ENAH: variants seen among roughly 807,000 people sequenced by gnomAD.
ENAH encodes the protein ENAH actin regulator, also known as protein enabled homolog.
A neutral mutation model predicts 78.7 loss-of-function variants in ENAH; 23 were observed. That is an observed-to-expected ratio of 0.29 (90% CI 0.21 to 0.41). The LOEUF (loss-of-function observed/expected upper bound fraction) is 0.41, where lower values mean the gene tolerates loss of function less well. Among genes scored for constraint, ENAH ranks in the 10% least tolerant of loss-of-function variants. The pLI is 1.00. For missense variants in ENAH, 544 were observed against 691.0 expected (o/e 0.79, Z 2.39); for synonymous variants, 226 against 241.0 (o/e 0.94, Z 0.58).
intron 1 of ENAH, among the ~76,000 whole-genome samples, chr1:225,573,250 A>G (rs944379765): frequency 1.3e-5 from 2 of 152,224 alleles, no homozygotes; most frequent in Non-Finnish European, 2.9e-5. Flanking sequence ...GAATATGACA[A>G]TATGTAGCAC....
At chr1:225,531,773 C>T (rs933353748) in intron 3 of ENAH, among the ~76,000 whole-genome samples, 3 of 152,100 alleles carry the variant, frequency 2.0e-5, no homozygotes, top group East Asian at 3.9e-4. Context: ...ATTTCACAAC[C>T]GGAAGTAAAG....
intron 1 of ENAH, among the ~76,000 whole-genome samples, chr1:225,579,124 C>T (rs2096801959): frequency 6.6e-6 from 1 of 152,136 alleles, no homozygotes; most frequent in Non-Finnish European, 1.5e-5. Context: ...ATTAACTTGA[C>T]TAAAGACATA....
intron 1 of ENAH, among the ~76,000 whole-genome samples, chr1:225,625,410 ACTC>A (rs1203277463): frequency 1.3e-5 from 2 of 151,726 alleles, no homozygotes; most frequent in African/African-American, 4.8e-5. Flanking sequence ...ACATAGTTGA[ACTC>A]CTGCCTTTTC....
intron 4 of ENAH, among the ~76,000 whole-genome samples, chr1:225,524,041 GAA>G (rs1225280673): frequency 6.6e-6 from 1 of 152,032 alleles, no homozygotes; most frequent in East Asian, 1.9e-4. Flanking sequence ...AAGTTTCTGA[GAA>G]TATAAATTTT....
chr1:225,565,414 G>A (rs1333780385), intron 2 of ENAH, among the ~76,000 whole-genome samples: 7 of 150,540 alleles, frequency 4.6e-5, no homozygotes, highest in African/African-American at 7.4e-5. Flanking sequence ...CACCCTGGGC[G>A]ACAAGAGCAA....
intron 1 of ENAH, among the ~76,000 whole-genome samples, chr1:225,643,273 A>AC (rs1661405696): frequency 6.6e-6 from 1 of 152,216 alleles, no homozygotes; most frequent in Non-Finnish European, 1.5e-5. Flanking sequence ...ATGAGGAAAC[A>AC]CTAATAGTTC....
rs1345923552 is a variant in ENAH at position 225,493,053 on chromosome 1, C to A, written c.*4722G>T. On this transcript the variant is annotated 3_prime_UTR_variant, in exon 14 of 14. Transcript: ENST00000366843. The stretch of plus-strand genomic sequence containing the variant: ...GTTGATGGTGAGTATCTGTAACCAT[C>A]CTAAATTTACTGCATTAATATTTTA... 6.6e-6 allele frequency: 1 copy of A among 152,090 alleles called. No individual in the cohort carries two copies. The highest frequency in any genetic ancestry group is 2.4e-5 in the African/African-American group (1 of 41,398). The allele number at this position is 152,090 out of a possible 1,614,324, so 9.4% of individuals were successfully genotyped here. A position where few individuals can be genotyped will look rare whatever the true frequency, so the allele number is the denominator to read the frequency against.
At position 225,574,900 on chromosome 1, in the gene ENAH, C is replaced by CAAA. The variant is rs1160881680; in HGVS notation, c.6-7489_6-7487dup. ...TGGGCGACAGAGCGAGACTCCGTCT[C>CAAA]AAAAAAAAAAAAAAAAAAAATATAT... On this transcript the variant is annotated intron_variant, in intron 1 of 13. Transcript: ENST00000366843. Among the ~76,000 whole-genome samples the CAAA allele has an allele frequency of 3.2e-3, 5 of 1,550 alleles. 2 individuals carry two copies. Among genetic ancestry groups the CAAA allele is most frequent in the African/African-American group, 0.029 (4 of 140 alleles). 1.0% of individuals were successfully genotyped at this position (1,550 alleles called of 152,430 possible). A position where few individuals can be genotyped will look rare whatever the true frequency, so the allele number is the denominator to read the frequency against.
At chr1:225,549,004 C>A (rs757013426) in intron 3 of ENAH, among the ~76,000 whole-genome samples, 18 of 152,062 alleles carry the variant, frequency 1.2e-4, no homozygotes, top group Admixed American at 1.1e-3. Context: ...TGCCCGCCAC[C>A]ACGCCCAGCT....
At chr1:225,558,388 C>A (rs2096679244) in intron 2 of ENAH, among the ~76,000 whole-genome samples, 1 of 152,102 alleles carries the variant, frequency 6.6e-6, no homozygotes, top group African/African-American at 2.4e-5. Flanking sequence ...TAATGATAGT[C>A]TTAATTTCTT....
intron 1 of ENAH, among the ~76,000 whole-genome samples, chr1:225,635,595 A>G (rs1487993887): frequency 6.6e-6 from 1 of 152,190 alleles, no homozygotes; most frequent in Non-Finnish European, 1.5e-5. Flanking sequence ...CCATACTCAA[A>G]GAGGAAACTC....
At chr1:225,642,274 C>T (rs1353405454) in intron 1 of ENAH, among the ~76,000 whole-genome samples, 3 of 151,672 alleles carry the variant, frequency 2.0e-5, no homozygotes, top group Non-Finnish European at 4.4e-5. Context: ...ATGAATCGCA[C>T]CTCTTGATCT....
chr1:225,558,758 C>T (rs368266939), intron 2 of ENAH, among the ~76,000 whole-genome samples: 8 of 151,674 alleles, frequency 5.3e-5, no homozygotes, highest in African/African-American at 1.2e-4. Flanking sequence ...CTCAGCCTCC[C>T]GAGTAGCTGG....
chr1:225,517,329 A>G (rs1249782368), intron 5 of ENAH, 23 bp from the exon 6 acceptor site: 3 of 1,551,584 alleles, frequency 1.9e-6, no homozygotes, highest in Non-Finnish European at 2.6e-6. Flanking sequence ...AAGGGAGAAC[A>G]CTAGGCTTGG....
At chr1:225,553,844 A>G (rs1338659917) in intron 3 of ENAH, among the ~76,000 whole-genome samples, 1 of 152,232 alleles carries the variant, frequency 6.6e-6, no homozygotes, top group African/African-American at 2.4e-5. Context: ...ATGTATTGAT[A>G]TTAATTTCCT....
At chr1:225,606,123 T>C (rs1027135707) in intron 1 of ENAH, among the ~76,000 whole-genome samples, 2 of 152,138 alleles carry the variant, frequency 1.3e-5, no homozygotes, top group Non-Finnish European at 2.9e-5. Context: ...TTTAATGTTA[T>C]ATTAGACCAT....
Position 225,595,250 on chromosome 1 carries a change from T to C in ENAH, c.6-27836A>G, listed in dbSNP as rs557942988. Reference sequence around the variant, plus strand: ...CAGGAGGCTGAGGCAGGAGAATCGCTTGAACACGGGAGGCGGAGGTTGCAG... The same window carrying C: ...CAGGAGGCTGAGGCAGGAGAATCGCCTGAACACGGGAGGCGGAGGTTGCAG... On this transcript the variant is annotated intron_variant, in intron 1 of 13. Coordinates refer to ENST00000366843, the MANE Select transcript of ENAH (RefSeq NM_018212.6). Among the ~76,000 whole-genome samples the C allele has an allele frequency of 2.6e-4, 39 of 152,114 alleles. No homozygotes were observed. The East Asian group carries it at 6.6e-3, about 26-fold the overall frequency.
At chr1:225,590,443 C>CAA (rs769081864) in intron 1 of ENAH, among the ~76,000 whole-genome samples, 3 of 145,638 alleles carry the variant, frequency 2.1e-5, no homozygotes, top group African/African-American at 7.6e-5. Context: ...TAGCCTGTCT[C>CAA]AAAAAAAAAG....
chr1:225,578,552 T>C (rs1179506207), intron 1 of ENAH, among the ~76,000 whole-genome samples: 2 of 152,224 alleles, frequency 1.3e-5, no homozygotes, highest in African/African-American at 4.8e-5. Context: ...CTGCTCTGTG[T>C]GTGCAACTCT....
Sources: allele counts gnomAD v4.1 joint callset (sites outside exome capture counted in the v4.1 genomes callset), GRCh38; gene constraint gnomAD v4.1.1; transcripts MANE v1.5; gene names NCBI Gene and HGNC (gene_info 2026-07-23, HGNC 2026-07-21).